Variants in MEF2A observed in about 807,000 individuals in gnomAD.
MEF2A encodes myocyte-specific enhancer factor 2A.
In MEF2A, 28 loss-of-function variants were observed where a neutral mutation model predicts 55.8. The ratio of observed to expected loss-of-function variants is 0.50; its 90% CI spans 0.37 to 0.69. The LOEUF (loss-of-function observed/expected upper bound fraction) is 0.69. Among genes scored for constraint, MEF2A ranks in the 30% least tolerant of loss-of-function variants. MEF2A has a pLI of 0.00. For missense variants in MEF2A, 528 were observed against 626.2 expected (o/e 0.84, Z 1.67); for synonymous variants, 239 against 227.1 (o/e 1.05, Z -0.47).
chr15:99,619,302 T>C (rs980324275), intron 2 of MEF2A, among the ~76,000 whole-genome samples: 1 of 152,158 alleles, frequency 6.6e-6, no homozygotes, highest in African/African-American at 2.4e-5. Context: ...GGCAGGGCTT[T>C]AGCTTCTCAC....
At chr15:99,691,263 A>C (rs2055404270) in intron 8 of MEF2A, among the ~76,000 whole-genome samples, 1 of 152,164 alleles carries the variant, frequency 6.6e-6, no homozygotes, top group Admixed American at 6.5e-5. Context: ...TAAAATACAG[A>C]GAGATTATTA....
chr15:99,710,840 C>G (rs897050953), intron 11 of MEF2A, 80 bp downstream of exon 11: 13 of 1,493,542 alleles, frequency 8.7e-6, no homozygotes, highest in African/African-American at 4.2e-5. Flanking sequence ...GCCTTTTGCT[C>G]TGTTGAGTTT....
intron 9 of MEF2A, among the ~76,000 whole-genome samples, chr15:99,703,766 T>C (rs2057707535): frequency 6.6e-6 from 1 of 152,190 alleles, no homozygotes; most frequent in Non-Finnish European, 1.5e-5. Context: ...CACACGATGT[T>C]GTGTTGTTTC....
intron 2 of MEF2A, among the ~76,000 whole-genome samples, chr15:99,631,337 A>C (rs140243960): frequency 1.3e-5 from 2 of 152,320 alleles, no homozygotes; most frequent in East Asian, 3.9e-4. Flanking sequence ...CTGTTAAAAG[A>C]AATATTCTAC....
intron 9 of MEF2A, among the ~76,000 whole-genome samples, chr15:99,704,300 G>T: frequency 6.6e-6 from 1 of 152,138 alleles, no homozygotes; most frequent in Non-Finnish European, 1.5e-5. Context: ...TAAAATACGA[G>T]ATTGTTCTTT....
chr15:99,644,585 G>A (rs1186635119), intron 3 of MEF2A, among the ~76,000 whole-genome samples: 1 of 152,228 alleles, frequency 6.6e-6, no homozygotes, highest in Non-Finnish European at 1.5e-5. Flanking sequence ...TTTATAGGAA[G>A]AAAATCGTAT....
At chr15:99,684,925 C>T (rs2053924384) in intron 7 of MEF2A, among the ~76,000 whole-genome samples, 1 of 152,126 alleles carries the variant, frequency 6.6e-6, no homozygotes. Context: ...GCCTATTATG[C>T]CAGCACCATT....
intron 4 of MEF2A, among the ~76,000 whole-genome samples, chr15:99,666,658 C>T (rs1404810100): frequency 1.3e-5 from 2 of 151,580 alleles, no homozygotes; most frequent in Non-Finnish European, 2.9e-5. Flanking sequence ...AGTTCCTCTT[C>T]TTTTAGGTAA....
chr15:99,698,091 A>G (rs1312835925), intron 8 of MEF2A, among the ~76,000 whole-genome samples: 1 of 152,192 alleles, frequency 6.6e-6, no homozygotes. Flanking sequence ...CTAAAATTGG[A>G]TTATAGACCC....
Position 99,579,761 on chromosome 15 carries a change from G to A in MEF2A, c.-225+13657G>A, listed in dbSNP as rs558204735. Among the ~76,000 whole-genome samples the A allele has an allele frequency of 5.3e-5, 8 of 152,230 alleles. No individual in the cohort carries two copies. The East Asian group carries it at 1.5e-3, about 29-fold the overall frequency. ...AGTTTATTGATTCCCTCTTTTGTCA[G>A]TATAGAGTAGTCCTGTTACTTCAGT... is the stretch of plus-strand genomic sequence containing the variant. On this transcript the variant is annotated intron_variant, in intron 1 of 11. Transcript: ENST00000557942.
chr15:99,609,134 A>G (rs191016458), intron 2 of MEF2A, among the ~76,000 whole-genome samples: 1 of 152,290 alleles, frequency 6.6e-6, no homozygotes, highest in Non-Finnish European at 1.5e-5. Flanking sequence ...TTCAGACCCC[A>G]CCTGCTCACT....
chr15:99,614,820 CAGAA>C (rs779162923), intron 2 of MEF2A, among the ~76,000 whole-genome samples: 22 of 152,092 alleles, frequency 1.4e-4, no homozygotes, highest in Admixed American at 2.6e-4. Context: ...AGCCCTGAAA[CAGAA>C]AGGAGTTAGG....
rs1288543334 is a variant in MEF2A, at chr15:99,566,023, A to C, written c.-306A>C. 1 of 152,338 alleles carries C rather than the reference A, an allele frequency of 6.6e-6. No individual in the cohort carries two copies. The highest frequency in any genetic ancestry group is 1.9e-4 in the East Asian group (1 of 5,142). 9.4% of individuals were successfully genotyped at this position (152,338 alleles called of 1,614,324 possible). On this transcript the variant is annotated 5_prime_UTR_variant, in exon 1 of 12. Transcript: ENST00000557942. The stretch of plus-strand genomic sequence containing the variant: ...GTCCCGGCGAGTCCCGGGCTGAAAG[A>C]GGCGGCTCCGGGCGGCGCGAAGCGC...
chr15:99,688,158 C>A (rs1413317591), intron 7 of MEF2A, among the ~76,000 whole-genome samples: 2 of 152,168 alleles, frequency 1.3e-5, no homozygotes, highest in African/African-American at 4.8e-5. Flanking sequence ...TTTATAAATG[C>A]ACATTATATG....
intron 4 of MEF2A, among the ~76,000 whole-genome samples, chr15:99,667,369 C>T (rs894698057): frequency 3.3e-5 from 5 of 152,010 alleles, no homozygotes; most frequent in South Asian, 2.1e-4. Context: ...TACAGGTGCC[C>T]GCCACCACGC....
intron 7 of MEF2A, among the ~76,000 whole-genome samples, chr15:99,677,212 A>C (rs74497777): frequency 0.013 from 2,030 of 152,264 alleles, 62 homozygotes; most frequent in East Asian, 0.08. Flanking sequence ...CTAGGCACAC[A>C]CACAAATAAA....
At chr15:99,693,467 C>T (rs1349164692) in intron 8 of MEF2A, among the ~76,000 whole-genome samples, 1 of 152,008 alleles carries the variant, frequency 6.6e-6, no homozygotes, top group African/African-American at 2.4e-5. Flanking sequence ...ACTCTCACTC[C>T]TAGACTGCTA....
Position 99,713,054 on chromosome 15 carries a change from C to T in MEF2A, c.*283C>T. On this transcript the variant is annotated 3_prime_UTR_variant, in exon 12 of 12. Transcript: ENST00000557942. ...ACAAGTCTGGCACTTCCTTGGACTA[C>T]TTGTTTCGTAAAGATAACCAGTTTT... The T allele has an allele frequency of 2.1e-6, 1 of 475,260 alleles. No homozygotes were observed. Among genetic ancestry groups the T allele is most frequent in the Non-Finnish European group, 3.7e-6 (1 of 270,264 alleles). The allele number at this position is 475,260 out of a possible 1,614,324, so 29.4% of individuals were successfully genotyped here. A position where few individuals can be genotyped will look rare whatever the true frequency, so the allele number is the denominator to read the frequency against.
At chr15:99,698,519 G>C (rs181331546) in intron 8 of MEF2A, among the ~76,000 whole-genome samples, 46 of 152,268 alleles carry the variant, frequency 3.0e-4, no homozygotes, top group African/African-American at 1.1e-3. Context: ...ACGGCTGGGC[G>C]CGGTGGCTCA....
Sources: allele counts gnomAD v4.1 joint callset (sites outside exome capture counted in the v4.1 genomes callset), GRCh38; gene constraint gnomAD v4.1.1; transcripts MANE v1.5; gene names NCBI Gene and HGNC (gene_info 2026-07-23, HGNC 2026-07-21).